Variants in RGS5 observed in about 807,000 individuals in gnomAD.
The protein encoded by RGS5 is regulator of G-protein signalling 5.
RGS5 carries 20 observed loss-of-function variants against 18.9 expected under a neutral mutation model. The observed-to-expected ratio is 1.06, with a 90% CI of 0.74 to 1.54. RGS5 has a LOEUF of 1.54. Ranked by LOEUF, RGS5 falls within the 40% of genes most tolerant of loss-of-function variation. The pLI, the probability that RGS5 is intolerant of heterozygous loss-of-function variation, is 0.00. For synonymous variants in RGS5, 57 were observed against 76.2 expected, an observed-to-expected ratio of 0.75 and a Z score of 1.31; for missense variants, 201 against 211.8, an observed-to-expected ratio of 0.95 and a Z score of 0.32.
upstream of RGS5, among the ~76,000 whole-genome samples, chr1:163,204,677 AGTTCC>A (rs1659900227): frequency 2.6e-5 from 4 of 152,312 alleles, no homozygotes; most frequent in South Asian, 4.1e-4. Flanking sequence ...AAACTGTCCA[AGTTCC>A]GCCATCTATT....
At chr1:163,231,978 A>T (rs563509541) in intron 2 of RGS5, among the ~76,000 whole-genome samples, 10 of 126,508 alleles carry the variant, frequency 7.9e-5, no homozygotes, top group East Asian at 6.0e-4. Context: ...CAAAGAAAAT[A>T]AAAAAAAACC....
intron 2 of RGS5, among the ~76,000 whole-genome samples, chr1:163,263,929 G>A (rs1243054473): frequency 6.6e-6 from 1 of 151,232 alleles, no homozygotes; most frequent in East Asian, 1.9e-4. Flanking sequence ...GAGTTAAATT[G>A]AATATTAAGA....
Position 163,297,641 on chromosome 1 carries a change from C to T in RGS5, c.-281+8592G>A, listed in dbSNP as rs1212848944. ...TTGAGATTTGCTCCACAGTTGTACT[C>T]ATTTCTCTGTATCTTCTCCCATGTA... On this transcript the variant is annotated intron_variant, in intron 2 of 5. Coordinates refer to the RGS5 transcript ENST00000618415. Among the ~76,000 whole-genome samples the T allele has an allele frequency of 7.9e-5, 12 of 152,234 alleles. No homozygotes were observed. The East Asian group carries it at 2.3e-3, about 29-fold the overall frequency.
At chr1:163,195,417 A>G (rs1472020523) in intron 1 of RGS5, among the ~76,000 whole-genome samples, 3 of 150,808 alleles carry the variant, frequency 2.0e-5, no homozygotes, top group Non-Finnish European at 4.4e-5. Flanking sequence ...ACTGTGGGGA[A>G]TCAGGGGGCA....
At chr1:163,168,040 A>AT (rs1225610699) in intron 2 of RGS5, among the ~76,000 whole-genome samples, 1 of 151,856 alleles carries the variant, frequency 6.6e-6, no homozygotes, top group Non-Finnish European at 1.5e-5. Flanking sequence ...CTTATCTTTT[A>AT]TTTTTTATGT....
intron 4 of RGS5, among the ~76,000 whole-genome samples, chr1:163,147,768 A>G (rs934535873): frequency 6.8e-6 from 1 of 147,590 alleles, no homozygotes; most frequent in African/African-American, 2.5e-5. Flanking sequence ...ATCCTTGACA[A>G]CAATCCTAAG....
chr1:163,243,516 G>A (rs1351305447), intron 2 of RGS5, among the ~76,000 whole-genome samples: 7 of 151,548 alleles, frequency 4.6e-5, no homozygotes, highest in South Asian at 2.1e-4. Context: ...GCTTGGTGGC[G>A]GGCGCCTGTA....
chr1:163,217,729 T>C, upstream of RGS5: 1 of 1,211,812 alleles, frequency 8.3e-7, no homozygotes, highest in Non-Finnish European at 1.1e-6. Flanking sequence ...GTTGAGCTAC[T>C]GACTAAAAGT....
intron 1 of RGS5, chr1:163,211,780 A>G (rs1264498104): frequency 1.3e-5 from 2 of 152,166 alleles, no homozygotes; most frequent in African/African-American, 4.8e-5. Context: ...TGAAAAGAAC[A>G]GTCAACATAG....
intron 2 of RGS5, among the ~76,000 whole-genome samples, chr1:163,231,146 C>T (rs1157728890): frequency 6.6e-6 from 1 of 152,152 alleles, no homozygotes; most frequent in African/African-American, 2.4e-5. Context: ...ACAAAGATAA[C>T]ATTCAGAGAA....
At chr1:163,163,590 C>T (rs1488394670) in intron 2 of RGS5, among the ~76,000 whole-genome samples, 1 of 152,162 alleles carries the variant, frequency 6.6e-6, no homozygotes, top group Non-Finnish European at 1.5e-5. Flanking sequence ...GTCAATAACT[C>T]CTCTTGGCTC....
Position 163,147,394 on chromosome 1 carries a change from T to C in RGS5, c.494A>G (p.Asp165Gly). The C allele has an allele frequency of 1.2e-6, 2 of 1,612,666 alleles. No homozygotes were observed. Among genetic ancestry groups the C allele is most frequent in the Non-Finnish European group, 1.7e-6 (2 of 1,179,358 alleles). The change falls in exon 5 of 5, where the codon GAT (aspartate) becomes GGT (glycine). Residue 165 changes from aspartate to glycine, a missense_variant. Asp to Gly is a moderately conservative substitution (Grantham distance 94). Coordinates refer to ENST00000313961, the MANE Select transcript of RGS5 (RefSeq NM_003617.4). Reference sequence around the variant, plus strand: ...AGAGCGCACAAAGCGAGGCAGAGAATCCTTTTCCATCAGGGCATGGATTCT... The same window carrying C: ...AGAGCGCACAAAGCGAGGCAGAGAACCCTTTTCCATCAGGGCATGGATTCT... ...QKRIHALMEK[D>G]SLPRFVRSEF...
rs529851886 is a variant in RGS5 at position 163,312,158 on chromosome 1, T to C, written c.-377-5829A>G. ...AGTGAGTTCTCATGAGATCTGATGGTTTTATAAGGGGCTCTTCCCCCTTGG... is the reference window on the plus strand; with the variant it reads ...AGTGAGTTCTCATGAGATCTGATGGCTTTATAAGGGGCTCTTCCCCCTTGG... On this transcript the variant is annotated intron_variant, in intron 1 of 5. Transcript: ENST00000618415. 5.3e-5 allele frequency among the ~76,000 whole-genome samples: 8 copies of C among 152,188 alleles called. No homozygotes were observed. In the East Asian group the frequency reaches 1.5e-3, roughly 29 times the overall value.
At chr1:163,170,512 G>A (rs1288821685) in intron 1 of RGS5, among the ~76,000 whole-genome samples, 1 of 152,110 alleles carries the variant, frequency 6.6e-6, no homozygotes, top group Non-Finnish European at 1.5e-5. Context: ...TTGTTCACAG[G>A]GAGGCTGTGA....
chr1:163,194,914 T>G (rs562358221), intron 1 of RGS5, among the ~76,000 whole-genome samples: 1 of 152,106 alleles, frequency 6.6e-6, no homozygotes, highest in African/African-American at 2.4e-5. Flanking sequence ...AAATATACGT[T>G]GATAATTAAA....
chr1:163,312,109 C>T, intron 1 of RGS5, among the ~76,000 whole-genome samples: 1 of 152,170 alleles, frequency 6.6e-6, no homozygotes, highest in East Asian at 1.9e-4. Flanking sequence ...GGGTGGTTTC[C>T]TCCATGCTGT....
chr1:163,248,950 C>T (rs959761200), intron 2 of RGS5, among the ~76,000 whole-genome samples: 5 of 152,214 alleles, frequency 3.3e-5, no homozygotes, highest in African/African-American at 1.2e-4. Context: ...GGGAGAACAA[C>T]TGCCCCTCTG....
At chr1:163,217,601 C>T (rs1370771591) in exon 1 of RGS5, 1 of 1,544,848 alleles carries the variant, frequency 6.5e-7, no homozygotes, top group East Asian at 2.5e-5. Flanking sequence ...ACATTTTTCA[C>T]TGAGGTTTTG....
chr1:163,202,253 A>C lies in RGS5; in HGVS notation c.44+539T>G, dbSNP rs78629715. On this transcript the variant is annotated intron_variant, in intron 1 of 4. Transcript: ENST00000313961. ...TCCCAGTCCCTGTACATTAATAAAA[A>C]TTAACATTTATACAGTCTACTAGGT... 8.6e-3 allele frequency among the ~76,000 whole-genome samples: 1,317 copies of C among 152,284 alleles called. 18 individuals are homozygous for C. Among genetic ancestry groups the C allele is most frequent in the African/African-American group, 0.03 (1,230 of 41,574 alleles).
Sources: allele counts gnomAD v4.1 joint callset (sites outside exome capture counted in the v4.1 genomes callset), GRCh38; gene constraint gnomAD v4.1.1; transcripts MANE v1.5; gene names NCBI Gene and HGNC (gene_info 2026-07-23, HGNC 2026-07-21).